MLST8: variants seen among roughly 807,000 people sequenced by gnomAD.
The protein encoded by MLST8 is target of rapamycin complex subunit LST8.
A neutral mutation model predicts 41.3 loss-of-function variants in MLST8; 20 were observed. That is an observed-to-expected ratio of 0.48 (90% CI 0.34 to 0.70). MLST8 has a LOEUF of 0.70. Among genes scored for constraint, MLST8 ranks in the 30% least tolerant of loss-of-function variants. The pLI, the probability that MLST8 is intolerant of heterozygous loss-of-function variation, is 0.01. For synonymous variants in MLST8, 243 were observed against 183.0 expected (o/e 1.33, Z -2.65); for missense variants, 422 against 454.3 (o/e 0.93, Z 0.65).
chr16:2,208,216 T>G lies in MLST8; in HGVS notation c.580T>G (p.Cys194Gly), dbSNP rs1567278866. The change falls in exon 7 of 9, where the codon TGC becomes GGC. Residue 194 changes from cysteine to glycine, a missense_variant. Physicochemically the swap from Cys to Gly is radical, Grantham distance 159. Transcript: ENST00000569417. ...YMAAVNSTGN[C>G]YVWNLTGGIG... The stretch of plus-strand genomic sequence containing the variant: ...CGGTCCTCCTGACCTCTAGGGAAAC[T>G]GCTATGTCTGGAATCTGACGGGGGG... The G allele has an allele frequency of 2.5e-6, 4 of 1,611,060 alleles. No individual in the cohort carries two copies. In the South Asian group the frequency reaches 4.4e-5, roughly 18 times the overall value.
intron 7 of MLST8, 35 bp downstream of exon 7, chr16:2,208,369 T>G: frequency 6.2e-7 from 1 of 1,605,584 alleles, no homozygotes; most frequent in Non-Finnish European, 8.5e-7. Context: ...GGAGGGGACC[T>G]GCCTGGGCTG....
rs550305882 is a variant in MLST8 at position 2,209,227 on chromosome 16, G to T, written c.*350G>T. The T allele has an allele frequency of 1.3e-4, 111 of 850,666 alleles. No homozygotes were observed. Among genetic ancestry groups the T allele is most frequent in the African/African-American group, 1.1e-3 (62 of 58,802 alleles). 52.7% of individuals were successfully genotyped at this position (850,666 alleles called of 1,614,324 possible). Reference sequence around the variant, plus strand: ...CTCCCTGCCCGCGTTTCAGGGCCTCGGTCCATAGAGAACACCACCACCATG... The same window carrying T: ...CTCCCTGCCCGCGTTTCAGGGCCTCTGTCCATAGAGAACACCACCACCATG... On this transcript the variant is annotated 3_prime_UTR_variant, in exon 9 of 9. Coordinates refer to ENST00000569417, the MANE Select transcript of MLST8 (RefSeq NM_022372.6).
In MLST8 at chr16:2,208,587, C is replaced by T. The variant is rs753576676; in HGVS notation, c.836C>T (p.Ser279Leu). The change falls in exon 8 of 9, where the codon TCG (serine) becomes TTG (leucine). Residue 279 changes from serine to leucine, a missense_variant. Coordinates refer to ENST00000569417, the MANE Select transcript of MLST8 (RefSeq NM_022372.6). ...SRGWMWGCAFSGDSQYIVTAS... is the reference protein window; with the variant it reads ...SRGWMWGCAFLGDSQYIVTAS... Reference sequence around the variant, plus strand: ...GGCTGGATGTGGGGCTGCGCCTTCTCGGGGGACTCCCAGTACATCGTCACT... The same window carrying T: ...GGCTGGATGTGGGGCTGCGCCTTCTTGGGGGACTCCCAGTACATCGTCACT... 9.9e-6 allele frequency: 16 copies of T among 1,612,394 alleles called. No homozygotes were observed. The highest frequency in any genetic ancestry group is 5.0e-5 in the Admixed American group (3 of 59,932).
At chr16:2,207,156 T>A (rs2093308087) in intron 5 of MLST8, 37 bp from the exon 6 acceptor site, 1 of 1,613,194 alleles carries the variant, frequency 6.2e-7, no homozygotes, top group Non-Finnish European at 8.5e-7. Context: ...TTTGGAGGGC[T>A]GGGCTTGGGC....
At position 2,208,295 on chromosome 16, in the gene MLST8, C is replaced by G. The variant is rs761521532; in HGVS notation, c.659C>G (p.Thr220Arg). The G allele has an allele frequency of 6.2e-7, 1 of 1,613,062 alleles. No homozygotes were observed. Among genetic ancestry groups the G allele is most frequent in the Non-Finnish European group, 8.5e-7 (1 of 1,179,396 alleles). The change falls in exon 7 of 9, where the codon ACG (threonine) becomes AGG (arginine). Residue 220 changes from threonine (T) to arginine (R), a missense_variant. Thr to Arg is a moderately conservative substitution (Grantham distance 71, BLOSUM62 -1). Transcript: ENST00000569417. ...CCCAAGACTAAGATCCCTGCCCACA[C>G]GCGCTACGCCCTGCAGTGTCGCTTC... Reference protein sequence around the residue: ...LIPKTKIPAHTRYALQCRFSP... With the variant: ...LIPKTKIPAHRRYALQCRFSP...
In MLST8 at chr16:2,209,295, C is replaced by T. The variant is rs2093358276; in HGVS notation, c.*418C>T. ...ATTAGTCCCTGCCAGCAGCTGTCCTCCCTGGTGCAGGTGGCCTGGCCAGCC... is the reference window on the plus strand; with the variant it reads ...ATTAGTCCCTGCCAGCAGCTGTCCTTCCTGGTGCAGGTGGCCTGGCCAGCC... On this transcript the variant is annotated 3_prime_UTR_variant, in exon 9 of 9. Coordinates refer to ENST00000569417, the MANE Select transcript of MLST8 (RefSeq NM_022372.6). 2.1e-6 allele frequency: 3 copies of T among 1,415,612 alleles called. No homozygotes were observed. In the South Asian group the frequency reaches 3.7e-5, roughly 17 times the overall value. The allele number at this position is 1,415,612 out of a possible 1,614,324, so 87.7% of individuals were successfully genotyped here.
chr16:2,208,904 G>T lies in MLST8; in HGVS notation c.*27G>T. The T allele has an allele frequency of 6.2e-7, 1 of 1,609,170 alleles. No individual in the cohort carries two copies. On this transcript the variant is annotated 3_prime_UTR_variant, in exon 9 of 9. Transcript: ENST00000569417. ...CTGTGACCCCTCGGGACTGCCTGGT[G>T]CAGGTGGTGGCAGCTGGAGGGACCC...
chr16:2,207,608 C>T (rs1437214953), intron 6 of MLST8: 8 of 517,942 alleles, frequency 1.5e-5, no homozygotes, highest in Non-Finnish European at 2.8e-5. Flanking sequence ...GCCTCCTGGT[C>T]CCAGTCACCC....
chr16:2,207,485 C>G, intron 6 of MLST8, 140 bp downstream of exon 6: 2 of 1,090,168 alleles, frequency 1.8e-6, no homozygotes, highest in Non-Finnish European at 2.6e-6. Context: ...ACCTTGCCAG[C>G]AAAGCCAGAA....
At chr16:2,205,774 G>C (rs2093270368) in intron 1 of MLST8, 2 of 1,048,626 alleles carry the variant, frequency 1.9e-6, no homozygotes, top group Admixed American at 5.6e-5. Context: ...TGGCGCCCGC[G>C]CGTGACTCCC....
Position 2,209,147 on chromosome 16 carries a change from G to A in MLST8, c.*270G>A. ...TGGGAAAGTCGGCCGAGGGCCCAAA[G>A]CTGCTGAGGGGTCTGAGGCTGGTGC... On this transcript the variant is annotated 3_prime_UTR_variant, in exon 9 of 9. Coordinates refer to ENST00000569417, the MANE Select transcript of MLST8 (RefSeq NM_022372.6). The A allele has an allele frequency of 1.6e-6, 1 of 641,806 alleles. No individual in the cohort carries two copies. The highest frequency in any genetic ancestry group is 2.7e-6 in the Non-Finnish European group (1 of 373,988). 39.8% of individuals were successfully genotyped at this position (641,806 alleles called of 1,614,324 possible). A position where few individuals can be genotyped will look rare whatever the true frequency, so the allele number is the denominator to read the frequency against.
chr16:2,207,068 G>A lies in MLST8; in HGVS notation c.378G>A (p.Gln126=), dbSNP rs1462285737. 1.9e-6 allele frequency: 3 copies of A among 1,613,734 alleles called. No individual in the cohort carries two copies. Among genetic ancestry groups the A allele is most frequent in the South Asian group, 2.2e-5 (2 of 91,090 alleles). Residue 126 remains glutamine (Q), a synonymous_variant, in exon 5 of 9, where the codon CAG becomes CAA. Coordinates refer to ENST00000569417, the MANE Select transcript of MLST8 (RefSeq NM_022372.6). The part of the protein sequence containing the change: ...SRNLQCQRIF[Q]VNAPINCVCL... ...ACCTGCAGTGCCAGCGGATCTTCCA[G>A]GTGAACGCACCCATTAACTGCGTGT...
Position 2,208,552 on chromosome 16 carries a change from G to T in MLST8, c.801G>T (p.Glu267Asp). ...ELSIKSGNPG[E>D]SSRGWMWGCA... ...GCATCAAGAGCGGCAACCCCGGGGA[G>T]TCCTCCCGCGGCTGGATGTGGGGCT... The change falls in exon 8 of 9, where the codon GAG becomes GAT. Residue 267 changes from glutamate to aspartate, a missense_variant. By Grantham distance (45) the Glu-to-Asp change is conservative. Coordinates refer to ENST00000569417, the MANE Select transcript of MLST8 (RefSeq NM_022372.6). 6.2e-7 allele frequency: 1 copy of T among 1,612,832 alleles called. No individual in the cohort carries two copies.
rs78285503 is a variant in MLST8, at chr16:2,209,389, C to T, written c.*512C>T. 2.0e-3 allele frequency: 3,152 copies of T among 1,613,640 alleles called. 99 individuals are homozygous for T. The East Asian group carries it at 0.061, about 31-fold the overall frequency. The stretch of plus-strand genomic sequence containing the variant: ...AGTCTGGGAGGTAATAAAAGCAGAC[C>T]GACACGCAGATGTTGCTCGGGAAGC... On this transcript the variant is annotated 3_prime_UTR_variant, in exon 9 of 9. Coordinates refer to ENST00000569417, the MANE Select transcript of MLST8 (RefSeq NM_022372.6).
intron 2 of MLST8, 29 bp from the exon 3 acceptor site, chr16:2,206,329 C>T (rs548038951): frequency 4.3e-6 from 7 of 1,613,112 alleles, no homozygotes; most frequent in African/African-American, 2.7e-5. Flanking sequence ...TCAGGGCTAC[C>T]TTCCCGTCAT....
At position 2,208,633 on chromosome 16, in the gene MLST8, C is replaced by A. The variant is rs762625147; in HGVS notation, c.862+20C>A. On this transcript the variant is annotated intron_variant, in intron 8 of 8. Transcript: ENST00000569417. ...TCACTGGTGAGCCCCGCCCTGGCCT[C>A]CCCCATCCCTGGCCCCCGGCGCTGG... is the stretch of plus-strand genomic sequence containing the variant. 1 of 1,611,774 alleles carries A rather than the reference C, an allele frequency of 6.2e-7. No homozygotes were observed. Among genetic ancestry groups the A allele is most frequent in the South Asian group, 1.1e-5 (1 of 91,046 alleles).
intron 6 of MLST8, chr16:2,207,665 C>G (rs1001269088): frequency 5.0e-6 from 2 of 399,820 alleles, no homozygotes; most frequent in Non-Finnish European, 9.2e-6. Flanking sequence ...TCCTTTCCCC[C>G]TCCCTGACCT....
At position 2,206,095 on chromosome 16, in the gene MLST8, T is replaced by G; in HGVS notation, c.10T>G (p.Ser4Ala). 5 of 1,600,512 alleles carry G rather than the reference T, an allele frequency of 3.1e-6. No individual in the cohort carries two copies. The highest frequency in any genetic ancestry group is 4.3e-6 in the Non-Finnish European group (5 of 1,171,056). The change falls in exon 2 of 9, where the codon TCC becomes GCC. Residue 4 changes from serine (S) to alanine (A), a missense_variant. Ser to Ala is a moderately conservative substitution (Grantham distance 99). Transcript: ENST00000569417. ...CCGTGCAGGCCACACCATGAACACCTCCCCAGGCACGGTGGGCAGTGACCC... is the reference window on the plus strand; with the variant it reads ...CCGTGCAGGCCACACCATGAACACCGCCCCAGGCACGGTGGGCAGTGACCC... MNT[S>A]PGTVGSDPVI...
rs750693200 is a variant in MLST8, at chr16:2,208,246, G to A, written c.610G>A (p.Gly204Ser). ...TGTCTGGAATCTGACGGGGGGCATT[G>A]GTGACGAGGTGACCCAGCTCATCCC... ...CYVWNLTGGI[G>S]DEVTQLIPKT... Residue 204 changes from glycine to serine, a missense_variant, in exon 7 of 9, where the codon GGT becomes AGT. By Grantham distance (56) the Gly-to-Ser change is moderately conservative. Coordinates refer to ENST00000569417, the MANE Select transcript of MLST8 (RefSeq NM_022372.6). The A allele has an allele frequency of 6.2e-7, 1 of 1,613,462 alleles. No homozygotes were observed. Among genetic ancestry groups the A allele is most frequent in the Non-Finnish European group, 8.5e-7 (1 of 1,179,668 alleles).
Sources: gnomAD v4.1 joint callset for allele counts on GRCh38, gnomAD v4.1.1 for gene constraint, MANE v1.5 for transcripts, NCBI Gene and HGNC (gene_info 2026-07-23, HGNC 2026-07-21) for gene names.